Variants in BPIFB4 observed in about 807,000 individuals in gnomAD.
The protein encoded by BPIFB4 is BPI fold-containing family B member 4.
A neutral mutation model predicts 69.2 loss-of-function variants in BPIFB4; 62 were observed. The observed-to-expected ratio is 0.90, with a 90% CI of 0.73 to 1.11. BPIFB4 has a LOEUF of 1.11. BPIFB4 is among the 50% of genes least tolerant of loss of function. The pLI is 0.00. For synonymous variants in BPIFB4, 330 were observed against 332.7 expected, an observed-to-expected ratio of 0.99 and a Z score of 0.09; for missense variants, 789 against 792.0, an observed-to-expected ratio of 1.00 and a Z score of 0.04.
chr20:33,087,242 C>T (rs1366331253), intron 7 of BPIFB4, among the ~76,000 whole-genome samples: 1 of 152,192 alleles, frequency 6.6e-6, no homozygotes, highest in Non-Finnish European at 1.5e-5. Context: ...GAGCACAGGG[C>T]CTCCTCCTAT....
intron 16 of BPIFB4, among the ~76,000 whole-genome samples, chr20:33,107,210 A>G (rs1982085748): frequency 8.0e-6 from 1 of 124,332 alleles, no homozygotes; most frequent in Non-Finnish European, 1.8e-5. Flanking sequence ...TTAAAAAAAA[A>G]AATGAAAGAA....
At chr20:33,105,489 T>C (rs1264278290) in intron 16 of BPIFB4, among the ~76,000 whole-genome samples, 1 of 152,188 alleles carries the variant, frequency 6.6e-6, no homozygotes, top group Non-Finnish European at 1.5e-5. Flanking sequence ...GAGCTTGCTT[T>C]GCTCTCTGGG....
At chr20:33,088,551 A>G (rs374773498) in intron 7 of BPIFB4, among the ~76,000 whole-genome samples, 166 of 152,260 alleles carry the variant, frequency 1.1e-3, no homozygotes, top group Non-Finnish European at 1.7e-3. Flanking sequence ...CCTACTATGT[A>G]CTAGATCTTG....
At position 33,102,945 on chromosome 20, in the gene BPIFB4, C is replaced by T. The variant is rs777634057; in HGVS notation, c.1638-27C>T. 7 of 1,612,898 alleles carry T rather than the reference C, an allele frequency of 4.3e-6. No homozygotes were observed. In the Admixed American group the frequency reaches 1.2e-4, roughly 27 times the overall value. The stretch of plus-strand genomic sequence containing the variant: ...TATGATTTTCAGGCAATCCCTGCTT[C>T]TCACAGGCTGTTTTCTTCGTCTACA... On this transcript the variant is annotated intron_variant, in intron 14 of 17. Coordinates refer to ENST00000375483, the MANE Select transcript of BPIFB4 (RefSeq NM_182519.3).
intron 12 of BPIFB4, among the ~76,000 whole-genome samples, chr20:33,096,216 C>T (rs1021719482): frequency 6.6e-6 from 1 of 152,194 alleles, no homozygotes; most frequent in Non-Finnish European, 1.5e-5. Flanking sequence ...CTTTTATTTA[C>T]TGGGTCACTT....
At chr20:33,091,495 A>G (rs115789385) in intron 10 of BPIFB4, among the ~76,000 whole-genome samples, 4,155 of 152,380 alleles carry the variant, frequency 0.027, 75 homozygotes, top group African/African-American at 0.056. Flanking sequence ...CCTAGGCTTC[A>G]TGAACACAGA....
rs748794144 is a variant in BPIFB4 at position 33,083,833 on chromosome 20, C to T, written c.636C>T (p.Leu212=). 24 of 1,613,156 alleles carry T rather than the reference C, an allele frequency of 1.5e-5. No homozygotes were observed. The highest frequency in any genetic ancestry group is 1.7e-4 in the Middle Eastern group (1 of 6,026). Reference sequence around the variant, plus strand: ...GAGGAGGGGGTGTCCTGGGCGTGCTCGGCGAGGGTGGCATCCTCAGCACTG... The same window carrying T: ...GAGGAGGGGGTGTCCTGGGCGTGCTTGGCGAGGGTGGCATCCTCAGCACTG... ...LLGGGGVLGV[L]GEGGILSTVQ... Residue 212 remains leucine, a synonymous_variant, in exon 5 of 18, where the codon CTC becomes CTT. Coordinates refer to ENST00000375483, the MANE Select transcript of BPIFB4 (RefSeq NM_182519.3).
rs984260181 is a variant in BPIFB4, at chr20:33,090,617, C to T, written c.1052-91C>T. ...TGGTGTCTGGAGCTGGAGCCTGGGC[C>T]TACCTTGTCCATCCCCAGCCCCAGT... is the stretch of plus-strand genomic sequence containing the variant. On this transcript the variant is annotated intron_variant, in intron 9 of 17. Transcript: ENST00000375483. The T allele has an allele frequency of 7.0e-6, 11 of 1,571,124 alleles. No individual in the cohort carries two copies. The African/African-American group carries it at 9.4e-5, about 13-fold the overall frequency.
chr20:33,089,870 G>A (rs745796978), intron 9 of BPIFB4, among the ~76,000 whole-genome samples: 6 of 152,212 alleles, frequency 3.9e-5, no homozygotes, highest in Admixed American at 6.5e-5. Flanking sequence ...TTTGAGCCCC[G>A]GTTCTGCCCT....
chr20:33,111,365 A>AG (rs1568590493), intron 17 of BPIFB4, 49 bp from the exon 18 acceptor site: 5 of 1,611,898 alleles, frequency 3.1e-6, no homozygotes, highest in Non-Finnish European at 4.2e-6. Context: ...GCAAGGCTCT[A>AG]GCCAGAGCCA....
rs1202880232 is a variant in BPIFB4, at chr20:33,108,605, T to C, written c.1821+785T>C. Among the ~76,000 whole-genome samples the C allele has an allele frequency of 3.9e-5, 6 of 152,050 alleles. No homozygotes were observed. In the East Asian group the frequency reaches 1.2e-3, roughly 29 times the overall value. ...GTGACCCCAGTTCAAATCCTAACTC[T>C]GCCAGTTTCCAGCTGGGTAACCTCT... On this transcript the variant is annotated intron_variant, in intron 17 of 17. Transcript: ENST00000375483.
chr20:33,090,940 A>G, intron 10 of BPIFB4, 141 bp downstream of exon 10: 1 of 1,000,386 alleles, frequency 1.0e-6, no homozygotes, highest in Non-Finnish European at 1.5e-6. Context: ...AAGGCCTTCT[A>G]AGAGCTGTGT....
Position 33,109,332 on chromosome 20 carries a change from T to A in BPIFB4, c.1821+1512T>A, listed in dbSNP as rs552484001. Among the ~76,000 whole-genome samples the A allele has an allele frequency of 1.4e-4, 21 of 152,340 alleles. 1 individual carries two copies. The South Asian group carries it at 3.9e-3, about 29-fold the overall frequency. On this transcript the variant is annotated intron_variant, in intron 17 of 17. Transcript: ENST00000375483. ...TCATCATCTCTACTATTTACTGAGA[T>A]GTTCAGTGCCCCATACATAGTCTTT...
At chr20:33,085,229 C>T (rs1206682341) in intron 6 of BPIFB4, among the ~76,000 whole-genome samples, 1 of 152,044 alleles carries the variant, frequency 6.6e-6, no homozygotes, top group African/African-American at 2.4e-5. Flanking sequence ...CCGAGGCAGG[C>T]AGATCATCTG....
intron 17 of BPIFB4, among the ~76,000 whole-genome samples, chr20:33,109,892 T>C (rs1487647044): frequency 1.3e-5 from 2 of 152,186 alleles, no homozygotes; most frequent in Non-Finnish European, 2.9e-5. Flanking sequence ...AAATGGCAGC[T>C]GCTATTATTA....
intron 6 of BPIFB4, among the ~76,000 whole-genome samples, chr20:33,085,770 T>G (rs534544451): frequency 6.6e-6 from 1 of 152,106 alleles, no homozygotes; most frequent in Non-Finnish European, 1.5e-5. Context: ...AGCTAGGCAA[T>G]TGGGAGTCAC....
At chr20:33,089,196 G>A (rs78020412) in intron 8 of BPIFB4, among the ~76,000 whole-genome samples, 167 bp downstream of exon 8, 1,573 of 152,340 alleles carry the variant, frequency 0.01, 28 homozygotes, top group African/African-American at 0.036. Flanking sequence ...TGAGGAACAC[G>A]AAAGGACAGA....
chr20:33,092,405 CCTT>C, intron 10 of BPIFB4, 50 bp from the exon 11 acceptor site: 2 of 1,518,618 alleles, frequency 1.3e-6, no homozygotes, highest in East Asian at 4.7e-5. Flanking sequence ...CCTTCAGTCC[CCTT>C]CTTTCCATCT....
chr20:33,084,997 G>T lies in BPIFB4; in HGVS notation c.782+1G>T. The T allele has an allele frequency of 1.2e-6, 2 of 1,611,292 alleles. No individual in the cohort carries two copies. The highest frequency in any genetic ancestry group is 1.7e-6 in the Non-Finnish European group (2 of 1,179,780). ...CCCGTGTGGCCATCAACGGGAAGAG[G>T]TGCGTGCCCTTGGCCCTGGAGGGGT... On this transcript the variant is annotated splice_donor_variant, in intron 6 of 17. Transcript: ENST00000375483. LOFTEE classifies it high-confidence loss of function.
Sources: gnomAD v4.1 joint callset for allele counts (sites outside exome capture counted in the v4.1 genomes callset) on GRCh38, gnomAD v4.1.1 for gene constraint, MANE v1.5 for transcripts, NCBI Gene and HGNC (gene_info 2026-07-23, HGNC 2026-07-21) for gene names.